ANXA8: variants seen among roughly 807,000 people sequenced by gnomAD.
The protein encoded by ANXA8 is annexin A8.
A neutral mutation model predicts 26.8 loss-of-function variants in ANXA8; 9 were observed. The ratio of observed to expected loss-of-function variants is 0.34; its 90% CI spans 0.20 to 0.59. The LOEUF (loss-of-function observed/expected upper bound fraction) is 0.59. Among genes scored for constraint, ANXA8 ranks in the 20% least tolerant of loss-of-function variants. The pLI, the probability that ANXA8 is intolerant of heterozygous loss-of-function variation, is 0.84. For missense variants in ANXA8, 83 were observed against 238.5 expected, an observed-to-expected ratio of 0.35 and a Z score of 4.29; for synonymous variants, 39 against 94.8, an observed-to-expected ratio of 0.41 and a Z score of 3.42.
the ANXA8 span, among the ~76,000 whole-genome samples, chr10:47,577,247 G>C: frequency 7.2e-6 from 1 of 139,624 alleles, no homozygotes; most frequent in East Asian, 2.1e-4. Context: ...AAAAAAACAG[G>C]GTTGGGGAAG....
chr10:47,487,455 G>T, upstream of ANXA8: 8 of 740,934 alleles, frequency 1.1e-5, no homozygotes, highest in Non-Finnish European at 1.7e-5. Flanking sequence ...TGCTGAACTT[G>T]TGTCCCCTTG....
the ANXA8 span, among the ~76,000 whole-genome samples, chr10:47,974,402 C>T: frequency 6.9e-6 from 1 of 145,934 alleles, no homozygotes; most frequent in Non-Finnish European, 1.5e-5. Context: ...TCATTAAGTT[C>T]TTCTTTAATT....
the ANXA8 span, among the ~76,000 whole-genome samples, chr10:47,497,632 C>T: frequency 1.4e-5 from 1 of 73,916 alleles, no homozygotes; most frequent in Non-Finnish European, 2.7e-5. Context: ...AAAAAAAAAA[C>T]AACAACAAAA....
chr10:47,702,728 G>A, the ANXA8 span, among the ~76,000 whole-genome samples: 26 of 151,786 alleles, frequency 1.7e-4, no homozygotes, highest in African/African-American at 6.3e-4. Context: ...CCGCCTCCTG[G>A]GCTCAAGCCA....
chr10:47,733,213 CTT>C, the ANXA8 span, among the ~76,000 whole-genome samples: 494 of 68,188 alleles, frequency 7.2e-3, 6 homozygotes, highest in Admixed American at 0.018. Context: ...TTCTTTCTTT[CTT>C]TCTTTCTCTT....
At chr10:47,592,837 C>T in the ANXA8 span, among the ~76,000 whole-genome samples, 1 of 148,852 alleles carries the variant, frequency 6.7e-6, no homozygotes, top group Non-Finnish European at 1.5e-5. Flanking sequence ...TTTGCAAGAC[C>T]AGACCATGAA....
chr10:47,625,980 T>G, the ANXA8 span, among the ~76,000 whole-genome samples: 1 of 150,540 alleles, frequency 6.6e-6, no homozygotes, highest in Non-Finnish European at 1.5e-5. Flanking sequence ...TAGTTGTTTT[T>G]AAGTGCCTGG....
At chr10:47,956,630 G>A in the ANXA8 span, among the ~76,000 whole-genome samples, 1 of 150,844 alleles carries the variant, frequency 6.6e-6, no homozygotes, top group Non-Finnish European at 1.5e-5. Context: ...ATCCCCACTG[G>A]CGTTCCCAGT....
At chr10:47,768,657 G>T in the ANXA8 span, among the ~76,000 whole-genome samples, 1 of 151,590 alleles carries the variant, frequency 6.6e-6, no homozygotes, top group Admixed American at 6.6e-5. Context: ...AGAGGGGGCA[G>T]GTGGAGCAGA....
the ANXA8 span, among the ~76,000 whole-genome samples, chr10:47,561,403 G>C: frequency 6.6e-6 from 1 of 151,628 alleles, no homozygotes; most frequent in Non-Finnish European, 1.5e-5. Context: ...ACCATGTTGG[G>C]CCAAATGTGT....
At chr10:47,576,702 G>A in the ANXA8 span, among the ~76,000 whole-genome samples, 1 of 150,378 alleles carries the variant, frequency 6.6e-6, no homozygotes, top group African/African-American at 2.5e-5. Context: ...GTATTTTTTG[G>A]AGAGACAAGG....
chr10:47,730,791 T>G, the ANXA8 span, among the ~76,000 whole-genome samples: 6 of 149,400 alleles, frequency 4.0e-5, no homozygotes, highest in African/African-American at 1.2e-4. Flanking sequence ...AGACACTCCT[T>G]CAGAAACTGC....
the ANXA8 span, among the ~76,000 whole-genome samples, chr10:47,954,758 C>A: frequency 6.6e-6 from 1 of 150,830 alleles, no homozygotes; most frequent in Non-Finnish European, 1.5e-5. Context: ...AATAAAAACA[C>A]CTGTGTTCAC....
At chr10:47,693,580 G>A in the ANXA8 span, among the ~76,000 whole-genome samples, 677 of 151,944 alleles carry the variant, frequency 4.5e-3, no homozygotes, top group African/African-American at 0.015. Context: ...GTGAGCCACC[G>A]CGCCCGGCCG....
chr10:47,930,224 C>G, the ANXA8 span, among the ~76,000 whole-genome samples: 5 of 149,884 alleles, frequency 3.3e-5, no homozygotes, highest in Middle Eastern at 6.9e-3. Flanking sequence ...CCTGGCTGGG[C>G]ATGGTGGTTT....
the ANXA8 span, among the ~76,000 whole-genome samples, chr10:47,554,089 T>G: frequency 7.3e-6 from 1 of 137,770 alleles, no homozygotes; most frequent in Non-Finnish European, 1.6e-5. Flanking sequence ...CTGGGCAACA[T>G]AGGGAGGCTA....
chr10:47,772,363 A>C, the ANXA8 span, among the ~76,000 whole-genome samples: 2 of 152,248 alleles, frequency 1.3e-5, no homozygotes, highest in African/African-American at 4.8e-5. Context: ...TCTGATAGGG[A>C]AAGTGTTTAT....
the ANXA8 span, among the ~76,000 whole-genome samples, chr10:47,989,767 G>A: frequency 1.1e-5 from 1 of 94,224 alleles, no homozygotes; most frequent in African/African-American, 3.2e-5. Context: ...CTGCCCAGAG[G>A]CCTGGGAGAT....
chr10:47,894,509 G>GT, the ANXA8 span, among the ~76,000 whole-genome samples: 1 of 108,670 alleles, frequency 9.2e-6, no homozygotes, highest in South Asian at 3.0e-4. Context: ...CACTACACAC[G>GT]CCACACACAC....
Sources: allele counts gnomAD v4.1 joint callset (sites outside exome capture counted in the v4.1 genomes callset), GRCh38; gene constraint gnomAD v4.1.1; transcripts MANE v1.5; gene names NCBI Gene and HGNC (gene_info 2026-07-23, HGNC 2026-07-21).